The following CDH18 variants were observed in gnomAD, a reference collection of about 807,000 sequenced individuals.
CDH18 encodes the protein cadherin 18.
CDH18 carries 31 observed loss-of-function variants against 67.9 expected under a neutral mutation model. That is an observed-to-expected ratio of 0.46 (90% CI 0.34 to 0.62). CDH18 has a LOEUF of 0.62. CDH18 is among the 20% of genes least tolerant of loss of function. The pLI is 0.01. For synonymous variants in CDH18, 362 were observed against 347.2 expected (o/e 1.04, Z -0.48); for missense variants, 890 against 975.5 (o/e 0.91, Z 1.17).
intron 2 of CDH18, among the ~76,000 whole-genome samples, chr5:19,959,277 C>G (rs1055818269): frequency 1.1e-4 from 16 of 151,778 alleles, no homozygotes; most frequent in Non-Finnish European, 1.9e-4. Flanking sequence ...GTGTGTAAAA[C>G]TATTAAATAT....
chr5:20,489,538 T>C (rs531811132), intron 1 of CDH18, among the ~76,000 whole-genome samples: 332 of 152,174 alleles, frequency 2.2e-3, no homozygotes, highest in African/African-American at 7.7e-3. Context: ...GTTGCTAAAA[T>C]TATGTGACCT....
chr5:19,930,002 C>A (rs116040584), intron 2 of CDH18, among the ~76,000 whole-genome samples: 1 of 151,892 alleles, frequency 6.6e-6, no homozygotes, highest in South Asian at 2.1e-4. Context: ...ATGACAGTGA[C>A]AGGGTAAAAG....
At chr5:19,657,271 A>G (rs1042890257) in intron 5 of CDH18, among the ~76,000 whole-genome samples, 1 of 152,152 alleles carries the variant, frequency 6.6e-6, no homozygotes. Context: ...CTTGTGATTA[A>G]AAATAATCAT....
intron 3 of CDH18, among the ~76,000 whole-genome samples, chr5:19,753,165 G>T (rs760106834): frequency 5.3e-5 from 8 of 152,080 alleles, no homozygotes; most frequent in Non-Finnish European, 1.0e-4. Context: ...AGCAATGGAT[G>T]CAAACCAAGA....
In CDH18 at chr5:20,166,067, A is replaced by T. The variant is rs79404392; in HGVS notation, c.-518+89377T>A. Among the ~76,000 whole-genome samples the T allele has an allele frequency of 5.7e-3, 868 of 152,256 alleles. 9 individuals carry two copies. The highest frequency in any genetic ancestry group is 0.02 in the African/African-American group (832 of 41,546). On this transcript the variant is annotated intron_variant, in intron 2 of 14. Coordinates refer to the CDH18 transcript ENST00000507958. ...TAGGCAATTAAAATAATGCCCTACC[A>T]GGAATCCTTGTCCCAACACTAAACA...
chr5:19,952,668 G>T (rs556569224), intron 2 of CDH18, among the ~76,000 whole-genome samples: 2 of 152,112 alleles, frequency 1.3e-5, no homozygotes, highest in African/African-American at 4.8e-5. Context: ...ATATTTCATT[G>T]CACTTTAAGC....
intron 2 of CDH18, chr5:19,878,223 GAGAGACAGCC>G (rs1408526097): frequency 6.6e-6 from 1 of 152,004 alleles, no homozygotes; most frequent in African/African-American, 2.4e-5. Flanking sequence ...ATATTTTTGA[GAGAGACAGCC>G]AGATGTTATC....
chr5:19,574,103 T>C (rs1437021438), intron 7 of CDH18, among the ~76,000 whole-genome samples: 2 of 152,162 alleles, frequency 1.3e-5, no homozygotes, highest in African/African-American at 4.8e-5. Flanking sequence ...GTGGAGGGAT[T>C]TGGGCCACCT....
At chr5:19,838,645 C>A in intron 3 of CDH18, 114 bp downstream of exon 3, 2 of 673,774 alleles carry the variant, frequency 3.0e-6, no homozygotes, top group Non-Finnish European at 5.2e-6. Flanking sequence ...GTAATTCACT[C>A]TACAACATAA....
In CDH18 at chr5:19,591,188, T is replaced by C; in HGVS notation, c.868A>G (p.Ile290Val). ...SAQVGSAVGK[I>V]KANDADTGSN... ...CCAGTGTCAGCATCATTTGCCTTGA[T>C]TTTCCCAACAGCTGAACCAACTTGA... The change falls in exon 7 of 13, where the codon ATC (isoleucine) becomes GTC (valine). Residue 290 changes from isoleucine (I) to valine (V), a missense_variant. Ile to Val is a conservative substitution (Grantham distance 29). Around this residue, in one of 2 missense-constraint regions of CDH18, gnomAD observed 656 missense variants for 668.1 expected, o/e 0.98. Transcript: ENST00000382275. The C allele has an allele frequency of 5.0e-6, 8 of 1,612,572 alleles. No individual in the cohort carries two copies. Among genetic ancestry groups the C allele is most frequent in the Non-Finnish European group, 6.8e-6 (8 of 1,179,136 alleles).
At chr5:19,473,934 C>G (rs913101293) in intron 12 of CDH18, among the ~76,000 whole-genome samples, 1 of 151,992 alleles carries the variant, frequency 6.6e-6, no homozygotes, top group Admixed American at 6.6e-5. Context: ...GGAGACATTG[C>G]GAATTGCTGA....
intron 2 of CDH18, among the ~76,000 whole-genome samples, chr5:19,956,052 T>G (rs779315399): frequency 1.3e-5 from 2 of 152,046 alleles, no homozygotes; most frequent in Admixed American, 1.3e-4. Context: ...GATATTTTCA[T>G]AGTAGTTAGT....
chr5:20,107,976 C>G (rs1182796945), intron 2 of CDH18, among the ~76,000 whole-genome samples: 2 of 143,392 alleles, frequency 1.4e-5, no homozygotes, highest in African/African-American at 5.2e-5. Flanking sequence ...TGCCTATGTC[C>G]CAATCTCCTG....
At chr5:19,824,650 T>C (rs1184330726) in intron 3 of CDH18, among the ~76,000 whole-genome samples, 1 of 152,046 alleles carries the variant, frequency 6.6e-6, no homozygotes, top group Non-Finnish European at 1.5e-5. Context: ...TGCCTGTGAG[T>C]AGTAAGATTG....
intron 2 of CDH18, among the ~76,000 whole-genome samples, chr5:20,225,091 T>C (rs1741507588): frequency 6.6e-6 from 1 of 152,134 alleles, no homozygotes; most frequent in African/African-American, 2.4e-5. Flanking sequence ...GCTCTTTTCG[T>C]CATTTTCTTC....
At chr5:20,232,576 A>G (rs1742158667) in intron 2 of CDH18, among the ~76,000 whole-genome samples, 1 of 152,050 alleles carries the variant, frequency 6.6e-6, no homozygotes, top group African/African-American at 2.4e-5. Flanking sequence ...ATCAAAAGTC[A>G]TTATTTTTTT....
intron 1 of CDH18, among the ~76,000 whole-genome samples, chr5:20,359,138 TCAGG>T (rs1741881407): frequency 1.3e-5 from 2 of 151,744 alleles, no homozygotes; most frequent in Admixed American, 1.3e-4. Flanking sequence ...TCTATGTTGG[TCAGG>T]CTGGTCTCAA....
chr5:20,123,813 G>C (rs1047494151), intron 2 of CDH18, among the ~76,000 whole-genome samples: 10 of 150,932 alleles, frequency 6.6e-5, no homozygotes, highest in Non-Finnish European at 1.3e-4. Context: ...GCATGAACCC[G>C]GAGGCGGAGC....
chr5:20,232,017 A>AT (rs34529548), intron 2 of CDH18, among the ~76,000 whole-genome samples: 18,869 of 152,036 alleles, frequency 0.12, 1,575 homozygotes, highest in African/African-American at 0.23. Flanking sequence ...CTCTTCTAAT[A>AT]TTTTTTTACC....
Sources: allele counts gnomAD v4.1 joint callset (sites outside exome capture counted in the v4.1 genomes callset), GRCh38; gene constraint gnomAD v4.1.1; regional missense constraint gnomAD v4.1.1; transcripts MANE v1.5; gene names NCBI Gene and HGNC (gene_info 2026-07-23, HGNC 2026-07-21).